MARCHF1: variants seen among roughly 807,000 people sequenced by gnomAD.
MARCHF1 encodes the protein membrane associated ring-CH-type finger 1.
A neutral mutation model predicts 54.2 loss-of-function variants in MARCHF1; 40 were observed. That is an observed-to-expected ratio of 0.74 (90% CI 0.57 to 0.96). The LOEUF (loss-of-function observed/expected upper bound fraction) is 0.96. Among genes scored for constraint, MARCHF1 ranks in the 40% least tolerant of loss-of-function variants. The probability of loss-of-function intolerance (pLI) is 0.00; values close to 1 mark genes in which losing one functional copy is unlikely to be tolerated. For synonymous variants in MARCHF1, 236 were observed against 236.3 expected, an observed-to-expected ratio of 1.00 and a Z score of 0.01; for missense variants, 586 against 656.5, an observed-to-expected ratio of 0.89 and a Z score of 1.17.
At chr4:163,804,106 T>C (rs17474206) in intron 4 of MARCHF1, among the ~76,000 whole-genome samples, 5,802 of 152,316 alleles carry the variant, frequency 0.038, 164 homozygotes, top group South Asian at 0.075. Flanking sequence ...AAATGATCTG[T>C]TAAAGAACTG....
intron 2 of MARCHF1, among the ~76,000 whole-genome samples, chr4:164,041,798 C>T (rs748256250): frequency 1.1e-4 from 17 of 152,104 alleles, no homozygotes; most frequent in Non-Finnish European, 2.1e-4. Context: ...ATGTAGGGTG[C>T]TTGAGAAGCA....
intron 2 of MARCHF1, among the ~76,000 whole-genome samples, chr4:164,027,070 A>G (rs1299542811): frequency 2.0e-5 from 3 of 152,084 alleles, no homozygotes; most frequent in Non-Finnish European, 2.9e-5. Flanking sequence ...ACACTGCTGA[A>G]AGAAACCAGA....
At chr4:164,073,887 T>G (rs1754920376) in intron 2 of MARCHF1, among the ~76,000 whole-genome samples, 2 of 152,094 alleles carry the variant, frequency 1.3e-5, no homozygotes, top group African/African-American at 4.8e-5. Flanking sequence ...CACCGCAAAC[T>G]CTGACTCCCT....
At chr4:163,975,190 T>TCACA (rs1321325302) in intron 3 of MARCHF1, among the ~76,000 whole-genome samples, 1 of 120,436 alleles carries the variant, frequency 8.3e-6, no homozygotes, top group Non-Finnish European at 1.7e-5. Context: ...TCTCTCTCTC[T>TCACA]CTCTCTCACA....
At chr4:164,271,617 C>T (rs986148446) in intron 1 of MARCHF1, among the ~76,000 whole-genome samples, 1 of 152,092 alleles carries the variant, frequency 6.6e-6, no homozygotes, top group Admixed American at 6.6e-5. Flanking sequence ...AAATTTGTTA[C>T]AGCAGTAATA....
At chr4:163,679,668 A>G (rs1355869259) in intron 5 of MARCHF1, among the ~76,000 whole-genome samples, 1 of 149,420 alleles carries the variant, frequency 6.7e-6, no homozygotes, top group Non-Finnish European at 1.5e-5. Flanking sequence ...GCTGGAGTGC[A>G]GTGGCACAGT....
chr4:164,176,762 TATA>T (rs1336687533), intron 1 of MARCHF1, among the ~76,000 whole-genome samples: 2 of 151,730 alleles, frequency 1.3e-5, no homozygotes, highest in Non-Finnish European at 2.9e-5. Flanking sequence ...GCTTTAATTT[TATA>T]GTCCTTCTAT....
At chr4:163,838,987 T>C (rs1749265452) in intron 4 of MARCHF1, among the ~76,000 whole-genome samples, 1 of 151,966 alleles carries the variant, frequency 6.6e-6, no homozygotes, top group South Asian at 2.1e-4. Flanking sequence ...TAAAAGAAAA[T>C]ATTTGTAAAT....
At chr4:163,555,508 G>T (rs537723280) in intron 8 of MARCHF1, among the ~76,000 whole-genome samples, 33 of 151,782 alleles carry the variant, frequency 2.2e-4, no homozygotes, top group Non-Finnish European at 4.9e-4. Context: ...TTTAAACAAA[G>T]TTCCTTTAAA....
chr4:163,890,507 C>A (rs929712770), intron 3 of MARCHF1, among the ~76,000 whole-genome samples: 2 of 152,144 alleles, frequency 1.3e-5, no homozygotes, highest in Admixed American at 1.3e-4. Context: ...TGACTTTGGG[C>A]AAATAACTTG....
chr4:163,903,857 C>T (rs1289154583), intron 3 of MARCHF1, among the ~76,000 whole-genome samples: 1 of 152,142 alleles, frequency 6.6e-6, no homozygotes, highest in Non-Finnish European at 1.5e-5. Flanking sequence ...CTCAAGTGAG[C>T]TGCCTGCCTT....
intron 1 of MARCHF1, among the ~76,000 whole-genome samples, chr4:164,276,530 C>T (rs550817904): frequency 2.9e-4 from 44 of 150,692 alleles, no homozygotes; most frequent in African/African-American, 1.0e-3. Flanking sequence ...TGTATATATA[C>T]GTGTGTGTGT....
chr4:163,566,565 T>C (rs1739651744), intron 8 of MARCHF1, among the ~76,000 whole-genome samples: 1 of 152,138 alleles, frequency 6.6e-6, no homozygotes, highest in Non-Finnish European at 1.5e-5. Flanking sequence ...TTATTTTCTT[T>C]CTCCTGGGTG....
At chr4:163,737,144 C>T (rs529388154) in intron 4 of MARCHF1, among the ~76,000 whole-genome samples, 2 of 144,778 alleles carry the variant, frequency 1.4e-5, no homozygotes, top group South Asian at 2.2e-4. Context: ...CACTTATCAG[C>T]GCTCGCAGCT....
intron 3 of MARCHF1, among the ~76,000 whole-genome samples, chr4:163,917,033 A>G (rs1751322738): frequency 1.3e-5 from 2 of 152,038 alleles, no homozygotes; most frequent in Admixed American, 1.3e-4. Flanking sequence ...CCTGACAACC[A>G]CTGATCCTTT....
At chr4:163,643,933 G>T (rs1259492486) in intron 5 of MARCHF1, among the ~76,000 whole-genome samples, 1 of 152,112 alleles carries the variant, frequency 6.6e-6, no homozygotes, top group Admixed American at 6.6e-5. Flanking sequence ...AGAAAGGAAT[G>T]TAAGAGTACA....
intron 3 of MARCHF1, among the ~76,000 whole-genome samples, chr4:163,956,909 T>A (rs894354271): frequency 2.6e-5 from 4 of 151,962 alleles, no homozygotes; most frequent in African/African-American, 9.7e-5. Context: ...CCAGCAAGAG[T>A]CCCTATGGCT....
intron 3 of MARCHF1, among the ~76,000 whole-genome samples, chr4:163,910,223 C>T (rs193121598): frequency 1.2e-4 from 18 of 152,108 alleles, no homozygotes; most frequent in East Asian, 1.2e-3. Flanking sequence ...ATATTTTAGG[C>T]TTGGTGGGCA....
In MARCHF1 at chr4:164,282,223, T is replaced by C. The variant is rs183438837; in HGVS notation, c.-323+101647A>G. ...TCATTTGACTCCTTTCTGTATCATTTGACTCCTACAAGCCCTATCATCTCC... is the reference window on the plus strand; with the variant it reads ...TCATTTGACTCCTTTCTGTATCATTCGACTCCTACAAGCCCTATCATCTCC... On this transcript the variant is annotated intron_variant, in intron 1 of 9. Coordinates refer to ENST00000514618, the MANE Select transcript of MARCHF1 (RefSeq NM_001394959.1). Among the ~76,000 whole-genome samples the C allele has an allele frequency of 4.6e-5, 7 of 150,984 alleles. 1 individual carries two copies. The highest frequency in any genetic ancestry group is 2.0e-4 in the Admixed American group (3 of 14,792).
Sources: gnomAD v4.1 joint callset for allele counts (sites outside exome capture counted in the v4.1 genomes callset) on GRCh38, gnomAD v4.1.1 for gene constraint, MANE v1.5 for transcripts, NCBI Gene and HGNC (gene_info 2026-07-23, HGNC 2026-07-21) for gene names.